ORC2: variants seen among roughly 807,000 people sequenced by gnomAD.
The protein encoded by ORC2 is origin recognition complex subunit 2.
Under a neutral mutation model 77.7 loss-of-function variants are expected in ORC2, and 37 were observed. The observed-to-expected ratio is 0.48, with a 90% confidence interval of 0.37 to 0.63. The LOEUF (loss-of-function observed/expected upper bound fraction) is 0.63, where lower values mean the gene tolerates loss of function less well. Ranked by LOEUF, ORC2 falls within the 20% of genes least tolerant of loss-of-function variation. The probability of loss-of-function intolerance (pLI) is 0.00; values close to 1 mark genes in which losing one functional copy is unlikely to be tolerated. For synonymous variants in ORC2, 201 were observed against 229.5 expected (o/e 0.88, Z 1.12); for missense variants, 557 against 661.9 (o/e 0.84, Z 1.74).
chr2:200,921,253 G>C (rs758884029), intron 13 of ORC2, 114 bp from the exon 14 acceptor site: 2 of 530,924 alleles, frequency 3.8e-6, no homozygotes, highest in Admixed American at 3.7e-5. Context: ...TCCAACTCCT[G>C]GACTCAAGCA....
At chr2:200,935,173 A>G (rs2041014394) in intron 9 of ORC2, among the ~76,000 whole-genome samples, 2 of 152,170 alleles carry the variant, frequency 1.3e-5, no homozygotes, top group Admixed American at 6.6e-5. Flanking sequence ...TGCCCAGGCT[A>G]GTACAATGGC....
rs1429519157 is a variant in ORC2 at position 200,958,011 on chromosome 2, T to C, written c.94+19A>G. On this transcript the variant is annotated intron_variant, in intron 3 of 17. Coordinates refer to ENST00000234296, the MANE Select transcript of ORC2 (RefSeq NM_006190.5). ...ACATTATAATAAGCATCTCTTCAAA[T>C]TGTACAATCACTTAATACCTCCTTC... is the stretch of plus-strand genomic sequence containing the variant. 5 of 1,417,004 alleles carry C rather than the reference T, an allele frequency of 3.5e-6. No homozygotes were observed. Among genetic ancestry groups the C allele is most frequent in the Non-Finnish European group, 9.9e-7 (1 of 1,005,994 alleles). The allele number at this position is 1,417,004 out of a possible 1,614,324, so 87.8% of individuals were successfully genotyped here. A position where few individuals can be genotyped will look rare whatever the true frequency, so the allele number is the denominator to read the frequency against.
In ORC2 at chr2:200,926,794, A is replaced by T; in HGVS notation, c.1024T>A (p.Phe342Ile). The T allele has an allele frequency of 6.2e-7, 1 of 1,614,068 alleles. No individual in the cohort carries two copies. Among genetic ancestry groups the T allele is most frequent in the Non-Finnish European group, 8.5e-7 (1 of 1,179,948 alleles). ...QDSIHVVINGFFPGISVKSVL... is the reference protein window; with the variant it reads ...QDSIHVVINGIFPGISVKSVL... ...GATTTCACACTGATTCCAGGAAAGA[A>T]GCCATTGATGACAACGTGAATGGAA... Residue 342 changes from phenylalanine (F) to isoleucine (I), a missense_variant, in exon 12 of 18, where the codon TTC (phenylalanine) becomes ATC (isoleucine). By Grantham distance (21) the Phe-to-Ile change is conservative (BLOSUM62 0). Transcript: ENST00000234296.
chr2:200,930,747 T>C (rs528232347), intron 11 of ORC2, among the ~76,000 whole-genome samples: 1 of 152,254 alleles, frequency 6.6e-6, no homozygotes, highest in South Asian at 2.1e-4. Context: ...AAAGTAATTA[T>C]CATAAAAAGA....
intron 10 of ORC2, among the ~76,000 whole-genome samples, chr2:200,933,526 GAAAA>G (rs2040980310): frequency 6.6e-6 from 1 of 151,968 alleles, no homozygotes; most frequent in Admixed American, 6.6e-5. Flanking sequence ...AGTAAGAGGG[GAAAA>G]ATGCATAATT....
At chr2:200,911,535 T>C (rs1044004113) in intron 17 of ORC2, 148 bp from the exon 18 acceptor site, 31 of 532,512 alleles carry the variant, frequency 5.8e-5, no homozygotes, top group Non-Finnish European at 8.7e-5. Context: ...CACACAGTCA[T>C]ATATACTTAA....
Position 200,925,884 on chromosome 2 carries a change from G to T in ORC2, c.1099C>A (p.Arg367Ser). 6.2e-7 allele frequency: 1 copy of T among 1,601,230 alleles called. No homozygotes were observed. Residue 367 changes from arginine (R) to serine (S), a missense_variant, in exon 13 of 18, where the codon CGC becomes AGC. Arg to Ser is a moderately radical substitution (Grantham distance 110, BLOSUM62 -1). Transcript: ENST00000234296. ...CAGTCTAGCTGATCCAGTATACTGC[G>T]GAAAGTACCCATATGATCGAGGACT... ...EEVLDHMGTF[R>S]SILDQLDWIV...
At chr2:200,944,420 G>A (rs1360624893) in intron 5 of ORC2, among the ~76,000 whole-genome samples, 1 of 152,118 alleles carries the variant, frequency 6.6e-6, no homozygotes, top group East Asian at 1.9e-4. Flanking sequence ...TGATCTGCCT[G>A]CCTTGGCCTC....
intron 15 of ORC2, among the ~76,000 whole-genome samples, chr2:200,918,948 T>C (rs2040709518): frequency 6.7e-6 from 1 of 149,302 alleles, no homozygotes; most frequent in African/African-American, 2.6e-5. Context: ...TCGGCTCCCT[T>C]CAGCCTCCTC....
At chr2:200,944,468 C>G (rs751534343) in intron 5 of ORC2, among the ~76,000 whole-genome samples, 6 of 152,104 alleles carry the variant, frequency 3.9e-5, no homozygotes, top group Non-Finnish European at 8.8e-5. Flanking sequence ...CCACCGCGCC[C>G]GGCTAAGATA....
intron 5 of ORC2, among the ~76,000 whole-genome samples, chr2:200,943,399 G>A (rs1336407731): frequency 1.3e-5 from 2 of 151,146 alleles, no homozygotes; most frequent in Non-Finnish European, 2.9e-5. Context: ...AAAGACCAAA[G>A]ACCAAATCAC....
At chr2:200,927,767 A>T (rs866283093) in intron 11 of ORC2, among the ~76,000 whole-genome samples, 1 of 150,544 alleles carries the variant, frequency 6.6e-6, no homozygotes, top group African/African-American at 2.4e-5. Context: ...GCACCATCAT[A>T]GCTCACTGCA....
intron 15 of ORC2, among the ~76,000 whole-genome samples, 196 bp from the exon 16 acceptor site, chr2:200,914,188 C>T (rs192952120): frequency 0.012 from 1,641 of 137,796 alleles, 16 homozygotes; most frequent in Non-Finnish European, 0.017. Context: ...TTTTTTGAGA[C>T]GGAGTCTTGC....
At chr2:200,948,701 T>C (rs1042067418) in intron 5 of ORC2, among the ~76,000 whole-genome samples, 4 of 151,988 alleles carry the variant, frequency 2.6e-5, no homozygotes, top group Admixed American at 2.6e-4. Context: ...TAGCTAGGAC[T>C]ACAGGCACGT....
At position 200,926,836 on chromosome 2, in the gene ORC2, T is replaced by C. The variant is rs1220261872; in HGVS notation, c.982A>G (p.Thr328Ala). ...SKRDLLERFR[T>A]TMLQDSIHVV... ...TGAATGGAATCTTGCAGCATAGTGG[T>C]TCGAAACCTTTCTAGTAAATCTCTC... is the stretch of plus-strand genomic sequence containing the variant. Residue 328 changes from threonine to alanine, a missense_variant, in exon 12 of 18, where the codon ACC becomes GCC. Coordinates refer to ENST00000234296, the MANE Select transcript of ORC2 (RefSeq NM_006190.5). 2 of 1,613,620 alleles carry C rather than the reference T, an allele frequency of 1.2e-6. No individual in the cohort carries two copies. The highest frequency in any genetic ancestry group is 1.1e-5 in the South Asian group (1 of 91,084).
At chr2:200,963,451 G>A (rs971047355) in intron 1 of ORC2, 39 bp downstream of exon 1, 11 of 398,524 alleles carry the variant, frequency 2.8e-5, no homozygotes, top group African/African-American at 2.1e-4. Context: ...GAGCTAAGCA[G>A]AAAAGGGAGG....
In ORC2 at chr2:200,935,802, G is replaced by A. The variant is rs778964822; in HGVS notation, c.605C>T (p.Thr202Ile). Residue 202 changes from threonine to isoleucine, a missense_variant, in exon 9 of 18, where the codon ACT becomes ATT. Coordinates refer to ENST00000234296, the MANE Select transcript of ORC2 (RefSeq NM_006190.5). ...EGVAQEHEEDTNAVIFSQKIQ... is the reference protein window; with the variant it reads ...EGVAQEHEEDINAVIFSQKIQ... The stretch of plus-strand genomic sequence containing the variant: ...CTTTTGGCTGAATATGACTGCATTA[G>A]TGTCCTCTTCATGTTCCTGTGCAAC... 21 of 1,613,820 alleles carry A rather than the reference G, an allele frequency of 1.3e-5. No homozygotes were observed. In the South Asian group the frequency reaches 2.0e-4, roughly 15 times the overall value.
At chr2:200,958,570 C>G (rs1323517302) in intron 2 of ORC2, among the ~76,000 whole-genome samples, 2 of 152,172 alleles carry the variant, frequency 1.3e-5, no homozygotes, top group African/African-American at 2.4e-5. Context: ...TAGAAAGCTA[C>G]AGTCAATTGT....
chr2:200,957,479 C>T lies in ORC2; in HGVS notation c.160G>A (p.Glu54Lys). The change falls in exon 4 of 18, where the codon GAA becomes AAA. Residue 54 changes from glutamate to lysine, a missense_variant. By Grantham distance (56) the Glu-to-Lys change is moderately conservative. Transcript: ENST00000234296. ...TGGTCATCTTCCTCCAAATCATATTCTGGCTTCTTTATTATTTTTTTGGGG... is the reference window on the plus strand; with the variant it reads ...TGGTCATCTTCCTCCAAATCATATTTTGGCTTCTTTATTATTTTTTTGGGG... ...VNPKKIIKKP[E>K]YDLEEDDQEV... 6.2e-7 allele frequency: 1 copy of T among 1,611,244 alleles called. No homozygotes were observed. Among genetic ancestry groups the T allele is most frequent in the Non-Finnish European group, 8.5e-7 (1 of 1,178,614 alleles).
Sources: gnomAD v4.1 joint callset for allele counts (sites outside exome capture counted in the v4.1 genomes callset) on GRCh38, gnomAD v4.1.1 for gene constraint, MANE v1.5 for transcripts, NCBI Gene and HGNC (gene_info 2026-07-23, HGNC 2026-07-21) for gene names.